The following NMU variants were observed in gnomAD, a reference collection of about 807,000 sequenced individuals.
NMU encodes neuromedin U.
NMU carries 29 observed loss-of-function variants against 35.4 expected under a neutral mutation model. That is an observed-to-expected ratio of 0.82 (90% CI 0.61 to 1.12). The LOEUF is 1.12. Ranked by LOEUF, NMU falls within the 50% of genes most tolerant of loss-of-function variation. NMU has a pLI of 0.00. For missense variants in NMU, 199 were observed against 206.2 expected (o/e 0.97, Z 0.21); for synonymous variants, 78 against 81.3 (o/e 0.96, Z 0.22).
intron 1 of NMU, among the ~76,000 whole-genome samples, chr4:55,634,188 T>C (rs1479979078): frequency 2.0e-5 from 3 of 151,556 alleles, no homozygotes; most frequent in Non-Finnish European, 4.4e-5. Flanking sequence ...TTTGTTTATG[T>C]ATGTCACGCC....
rs1052299297 is a variant in NMU, at chr4:55,612,295, G to T, written c.220-3116C>A. Among the ~76,000 whole-genome samples the T allele has an allele frequency of 2.0e-5, 3 of 152,188 alleles. No individual in the cohort carries two copies. In the East Asian group the frequency reaches 5.8e-4, roughly 29 times the overall value. On this transcript the variant is annotated intron_variant, in intron 3 of 9. Transcript: ENST00000264218. ...TGCTCCTGTAGTCCCAGCTATTCAG[G>T]AGGCTGAGGTGGGAGGATTGCTTGA...
chr4:55,601,990 C>A (rs939988474), intron 7 of NMU, among the ~76,000 whole-genome samples: 2 of 151,842 alleles, frequency 1.3e-5, no homozygotes, highest in African/African-American at 4.8e-5. Flanking sequence ...GAGAAAGACC[C>A]TGTCTCAAAA....
chr4:55,618,762 CTCTCTTTCTTCTCTT>C (rs1734227567), intron 2 of NMU, among the ~76,000 whole-genome samples: 1 of 59,270 alleles, frequency 1.7e-5, no homozygotes, highest in Non-Finnish European at 3.5e-5. Flanking sequence ...TCTTTCTTCT[CTCTCTTTCTTCTCTT>C]TCTTTCCCTT....
chr4:55,612,729 A>C (rs774275597), intron 3 of NMU, among the ~76,000 whole-genome samples: 8 of 152,116 alleles, frequency 5.3e-5, no homozygotes, highest in African/African-American at 1.2e-4. Context: ...ATTTTCCCCA[A>C]CTCCCCTTTA....
intron 1 of NMU, among the ~76,000 whole-genome samples, chr4:55,632,854 T>G (rs937589383): frequency 3.3e-5 from 5 of 151,972 alleles, no homozygotes; most frequent in Non-Finnish European, 7.4e-5. Context: ...TTCCCAAGCT[T>G]GCATGGGCCA....
chr4:55,635,938 G>C lies in NMU; in HGVS notation c.112+143C>G, dbSNP rs550176585. 2.1e-6 allele frequency: 3 copies of C among 1,449,792 alleles called. No individual in the cohort carries two copies. In the East Asian group the frequency reaches 7.5e-5, roughly 36 times the overall value. The allele number at this position is 1,449,792 out of a possible 1,614,324, so 89.8% of individuals were successfully genotyped here. Reference sequence around the variant, plus strand: ...GGGAGGCGACCTGTGCCTGGGAGGCGGGAAACCCCGCGGCACCAGAGAAGC... The same window carrying C: ...GGGAGGCGACCTGTGCCTGGGAGGCCGGAAACCCCGCGGCACCAGAGAAGC... On this transcript the variant is annotated intron_variant, in intron 1 of 9. Transcript: ENST00000264218.
chr4:55,600,195 A>T (rs1733364662), intron 8 of NMU, among the ~76,000 whole-genome samples: 2 of 152,162 alleles, frequency 1.3e-5, no homozygotes, highest in South Asian at 4.1e-4. Context: ...AAATTTTGTA[A>T]ATAATTCCAT....
chr4:55,608,495 C>A (rs1024962974), intron 4 of NMU, among the ~76,000 whole-genome samples: 2 of 151,986 alleles, frequency 1.3e-5, no homozygotes, highest in Non-Finnish European at 2.9e-5. Context: ...GTTAGAATTG[C>A]CAATGAAAAA....
chr4:55,602,749 C>T (rs898360296), intron 7 of NMU, among the ~76,000 whole-genome samples: 1 of 152,104 alleles, frequency 6.6e-6, no homozygotes, highest in Admixed American at 6.6e-5. Flanking sequence ...TTTTAAGGGG[C>T]TACTGCCTAA....
intron 1 of NMU, 104 bp from the exon 2 acceptor site, chr4:55,630,564 A>C: frequency 1.2e-6 from 1 of 832,458 alleles, no homozygotes; most frequent in Non-Finnish European, 2.0e-6. Flanking sequence ...TTTTCACTGT[A>C]CATCATCACC....
At chr4:55,600,308 C>T (rs1222982724) in intron 8 of NMU, among the ~76,000 whole-genome samples, 1 of 152,048 alleles carries the variant, frequency 6.6e-6, no homozygotes, top group East Asian at 1.9e-4. Flanking sequence ...GGTGTTTAAA[C>T]ATGAGCAATA....
intron 1 of NMU, among the ~76,000 whole-genome samples, chr4:55,635,477 C>G (rs1476521979): frequency 6.6e-6 from 1 of 152,180 alleles, no homozygotes; most frequent in Non-Finnish European, 1.5e-5. Context: ...GAGAAGTTCT[C>G]TATTCCTTTT....
chr4:55,627,706 T>C (rs1176030024), intron 2 of NMU, among the ~76,000 whole-genome samples: 2 of 152,188 alleles, frequency 1.3e-5, no homozygotes, highest in Non-Finnish European at 2.9e-5. Flanking sequence ...TGTATATTGG[T>C]ATTATATCCA....
At chr4:55,629,636 AAAAAT>A (rs927048424) in intron 2 of NMU, among the ~76,000 whole-genome samples, 1 of 151,330 alleles carries the variant, frequency 6.6e-6, no homozygotes, top group African/African-American at 2.4e-5. Context: ...AAAAAAAAAA[AAAAAT>A]TCCTGGGCGG....
chr4:55,615,513 T>C (rs1372002319), intron 3 of NMU, among the ~76,000 whole-genome samples: 3 of 152,246 alleles, frequency 2.0e-5, no homozygotes, highest in East Asian at 3.8e-4. Context: ...GTTATAATGA[T>C]GATGCTTTGA....
At chr4:55,608,569 G>T (rs1214959084) in intron 4 of NMU, among the ~76,000 whole-genome samples, 2 of 152,122 alleles carry the variant, frequency 1.3e-5, no homozygotes, top group African/African-American at 2.4e-5. Context: ...TCATCCATAA[G>T]ATAGAGATTA....
chr4:55,613,516 T>C (rs1734012087), intron 3 of NMU, among the ~76,000 whole-genome samples: 1 of 152,210 alleles, frequency 6.6e-6, no homozygotes, highest in Non-Finnish European at 1.5e-5. Flanking sequence ...TGCCCACTCA[T>C]GAATTGAGTT....
intron 2 of NMU, among the ~76,000 whole-genome samples, chr4:55,629,489 T>C (rs928263130): frequency 2.0e-5 from 3 of 151,402 alleles, no homozygotes; most frequent in Admixed American, 2.0e-4. Flanking sequence ...CATGATGGTG[T>C]GCGCCTGTAC....
At chr4:55,628,858 A>G (rs1430709569) in intron 2 of NMU, among the ~76,000 whole-genome samples, 1 of 151,912 alleles carries the variant, frequency 6.6e-6, no homozygotes, top group Non-Finnish European at 1.5e-5. Context: ...CATTTTTAGC[A>G]GAATGCTTAG....
Sources: gnomAD v4.1 joint callset for allele counts (sites outside exome capture counted in the v4.1 genomes callset) on GRCh38, gnomAD v4.1.1 for gene constraint, MANE v1.5 for transcripts, NCBI Gene and HGNC (gene_info 2026-07-23, HGNC 2026-07-21) for gene names.